LCK: variants seen among roughly 807,000 people sequenced by gnomAD.
LCK encodes tyrosine-protein kinase Lck.
In LCK, 14 loss-of-function variants were observed where a neutral mutation model predicts 64.6. The observed-to-expected ratio is 0.22, with a 90% CI of 0.14 to 0.34. LCK has a LOEUF of 0.34. LCK is among the 10% of genes least tolerant of loss of function. The pLI is 1.00. For synonymous variants in LCK, 277 were observed against 263.6 expected (o/e 1.05, Z -0.49); for missense variants, 434 against 668.1 (o/e 0.65, Z 3.86).
rs558626466 is a variant in LCK at position 32,262,043 on chromosome 1, C to A, written c.-6+10672C>A. 6.0e-5 allele frequency among the ~76,000 whole-genome samples: 9 copies of A among 149,288 alleles called. No homozygotes were observed. In the South Asian group the frequency reaches 1.9e-3, roughly 32 times the overall value. On this transcript the variant is annotated intron_variant, in intron 1 of 12. Coordinates refer to ENST00000336890, the MANE Select transcript of LCK (RefSeq NM_005356.5). ...GGACTACAGTCACGTGCCACCACAC[C>A]CAGATAATCTTTGTATTTTTAGTAG...
Position 32,276,314 on chromosome 1 carries a change from T to G in LCK, c.632-23T>G, listed in dbSNP as rs375624090. ...ACGAGGCCTGCCCTATTGACAGCCT[T>G]CACCCCTCCCTCGTCCTCGCAGATG... On this transcript the variant is annotated intron_variant, in intron 7 of 12. Coordinates refer to ENST00000336890, the MANE Select transcript of LCK (RefSeq NM_005356.5). The surrounding 1 kb of genome is among the most constrained non-coding windows in gnomAD (Gnocchi z 4.6). The G allele has an allele frequency of 5.7e-4, 881 of 1,538,776 alleles. 1 individual carries two copies. Among genetic ancestry groups the G allele is most frequent in the Non-Finnish European group, 7.2e-4 (822 of 1,145,540 alleles).
At chr1:32,281,471 A>G (rs1455969571) in intron 12 of LCK, among the ~76,000 whole-genome samples, 3 of 151,354 alleles carry the variant, frequency 2.0e-5, no homozygotes, top group South Asian at 2.1e-4. Flanking sequence ...AAAAAAAAAA[A>G]AAAGAAAAAG....
chr1:32,264,606 G>A (rs972760464), intron 1 of LCK, among the ~76,000 whole-genome samples: 1 of 152,066 alleles, frequency 6.6e-6, no homozygotes, highest in African/African-American at 2.4e-5. Context: ...TGAGGCTGAT[G>A]AACTGTATTT....
chr1:32,263,393 AAAAT>A (rs1263488465), intron 1 of LCK, among the ~76,000 whole-genome samples: 18 of 135,564 alleles, frequency 1.3e-4, no homozygotes, highest in Admixed American at 3.0e-4. Flanking sequence ...ACTCCGTCTC[AAAAT>A]AAATAAAATA....
rs1177753986 is a variant in LCK, at chr1:32,276,091, G to C, written c.631+28G>C. On this transcript the variant is annotated intron_variant, in intron 7 of 12. Transcript: ENST00000336890. This position sits in a 1 kb window ranked among gnomAD's most constrained non-coding sequence, Gnocchi z 4.6. ...GAGCCCGACGGGACCCCTCCCCCGT[G>C]CCCTATCAGCCTATCTCCCCTCAGT... is the stretch of plus-strand genomic sequence containing the variant. 1 of 1,612,022 alleles carries C rather than the reference G, an allele frequency of 6.2e-7. No individual in the cohort carries two copies. The highest frequency in any genetic ancestry group is 8.5e-7 in the Non-Finnish European group (1 of 1,179,100).
At position 32,276,819 on chromosome 1, in the gene LCK, A is replaced by G. The variant is rs372012321; in HGVS notation, c.964+33A>G. 3.2e-6 allele frequency: 5 copies of G among 1,552,756 alleles called. No homozygotes were observed. In the African/African-American group the frequency reaches 6.8e-5, roughly 21 times the overall value. ...CTACCCGAGTCGGCTACCAGGGGAT[A>G]CTGCTCTCCCTGCTGTCCCTGCCAG... On this transcript the variant is annotated intron_variant, in intron 9 of 12. Transcript: ENST00000336890. The surrounding 1 kb of genome is among the most constrained non-coding windows in gnomAD (Gnocchi z 4.6).
chr1:32,275,843 G>A lies in LCK; in HGVS notation c.482-71G>A. ...AGTTGGGGGTGCTGGGTGAGCCCAA[G>A]GTGGGGGCGCGGTGGCGGGCCAGAC... On this transcript the variant is annotated intron_variant, in intron 6 of 12. Coordinates refer to ENST00000336890, the MANE Select transcript of LCK (RefSeq NM_005356.5). This position sits in a 1 kb window ranked among gnomAD's most constrained non-coding sequence, Gnocchi z 6.9. The A allele has an allele frequency of 6.3e-7, 1 of 1,576,014 alleles. No individual in the cohort carries two copies. Among genetic ancestry groups the A allele is most frequent in the African/African-American group, 1.3e-5 (1 of 74,388 alleles).
intron 1 of LCK, among the ~76,000 whole-genome samples, chr1:32,268,295 A>G (rs1222958935): frequency 6.6e-6 from 1 of 152,034 alleles, no homozygotes; most frequent in Non-Finnish European, 1.5e-5. Context: ...AACTTAAAAA[A>G]ATTTATTATT....
At chr1:32,257,967 G>A (rs983312520) in intron 1 of LCK, among the ~76,000 whole-genome samples, 9 of 151,076 alleles carry the variant, frequency 6.0e-5, no homozygotes, top group Admixed American at 4.6e-4. Flanking sequence ...TCTCTGTGTC[G>A]AGAGGCTACA....
chr1:32,283,298 A>G (rs1036826742), intron 12 of LCK, among the ~76,000 whole-genome samples: 1 of 151,526 alleles, frequency 6.6e-6, no homozygotes, highest in Non-Finnish European at 1.5e-5. Context: ...CAAAAAAAAA[A>G]AAAAAAAAAA....
chr1:32,285,846 C>A lies in LCK; in HGVS notation c.*130C>A. ...GCACATGAATCCCACCCACATGTGA[C>A]ACATATGCACCTTGTGTCTGTACAC... On this transcript the variant is annotated 3_prime_UTR_variant, in exon 13 of 13. Transcript: ENST00000336890. The A allele has an allele frequency of 1.1e-6, 1 of 898,466 alleles. No individual in the cohort carries two copies. The highest frequency in any genetic ancestry group is 1.7e-6 in the Non-Finnish European group (1 of 581,880). The allele number at this position is 898,466 out of a possible 1,614,324, so 55.7% of individuals were successfully genotyped here. A position where few individuals can be genotyped will look rare whatever the true frequency, so the allele number is the denominator to read the frequency against.
chr1:32,255,690 C>T (rs1232135568), intron 1 of LCK, among the ~76,000 whole-genome samples: 1 of 152,212 alleles, frequency 6.6e-6, no homozygotes, highest in Admixed American at 6.5e-5. Context: ...GGGGCACCCA[C>T]CTCTGTCACA....
intron 1 of LCK, among the ~76,000 whole-genome samples, chr1:32,272,808 G>A (rs1640131656): frequency 6.7e-6 from 1 of 150,128 alleles, no homozygotes; most frequent in South Asian, 2.1e-4. Flanking sequence ...GTTTGTGTGT[G>A]TGTGAGTGTG....
intron 1 of LCK, among the ~76,000 whole-genome samples, chr1:32,263,727 A>G (rs1326884991): frequency 6.6e-6 from 1 of 152,134 alleles, no homozygotes; most frequent in Non-Finnish European, 1.5e-5. Flanking sequence ...ACTGGCCAAC[A>G]TGGTGAAACC....
rs182764783 is a variant in LCK, at chr1:32,251,551, C to A, written c.-6+180C>A. On this transcript the variant is annotated intron_variant, in intron 1 of 12. Coordinates refer to ENST00000336890, the MANE Select transcript of LCK (RefSeq NM_005356.5). This position sits in a 1 kb window ranked among gnomAD's most constrained non-coding sequence, Gnocchi z 4.0. Reference sequence around the variant, plus strand: ...GTGTAGCTGGGTCGCCTCTTTCCTGCGAAGCTGGTGTCGCTTGCCTCTGTC... The same window carrying A: ...GTGTAGCTGGGTCGCCTCTTTCCTGAGAAGCTGGTGTCGCTTGCCTCTGTC... Among the ~76,000 whole-genome samples, 7 of 152,138 alleles carry A rather than the reference C, an allele frequency of 4.6e-5. No homozygotes were observed. Among genetic ancestry groups the A allele is most frequent in the South Asian group, 2.1e-4 (1 of 4,830 alleles).
chr1:32,281,084 C>T (rs1448799144), intron 12 of LCK, among the ~76,000 whole-genome samples: 1 of 151,626 alleles, frequency 6.6e-6, no homozygotes, highest in East Asian at 1.9e-4. Context: ...TCTACAAAAA[C>T]AAAAGTTAGC....
intron 1 of LCK, among the ~76,000 whole-genome samples, chr1:32,257,650 CAG>C (rs1378152972): frequency 6.6e-6 from 1 of 152,068 alleles, no homozygotes; most frequent in Non-Finnish European, 1.5e-5. Context: ...GCCAGACTCC[CAG>C]AAACGTTTAT....
Position 32,276,189 on chromosome 1 carries a change from G to C in LCK, c.631+126G>C. ...CCGCAGTGGGTGAGGTGTGGAACCT[G>C]ACCCTACGGCCCCAAGTGTTTGGGT... On this transcript the variant is annotated intron_variant, in intron 7 of 12. Coordinates refer to ENST00000336890, the MANE Select transcript of LCK (RefSeq NM_005356.5). The surrounding 1 kb of genome is among the most constrained non-coding windows in gnomAD (Gnocchi z 4.6). 6.9e-7 allele frequency: 1 copy of C among 1,443,798 alleles called. No individual in the cohort carries two copies. Among genetic ancestry groups the C allele is most frequent in the Non-Finnish European group, 9.4e-7 (1 of 1,060,856 alleles). 89.4% of individuals were successfully genotyped at this position (1,443,798 alleles called of 1,614,324 possible). A position where few individuals can be genotyped will look rare whatever the true frequency, so the allele number is the denominator to read the frequency against.
intron 1 of LCK, among the ~76,000 whole-genome samples, chr1:32,253,412 A>C (rs1639554944): frequency 6.6e-6 from 1 of 152,122 alleles, no homozygotes; most frequent in Admixed American, 6.6e-5. Context: ...CAGCCTCCCA[A>C]GTGCTAGGAT....
Sources: gnomAD v4.1 joint callset for allele counts (sites outside exome capture counted in the v4.1 genomes callset) on GRCh38, gnomAD v4.1.1 for gene constraint, Gnocchi (gnomAD v3.1) non-coding constraint, MANE v1.5 for transcripts, NCBI Gene and HGNC (gene_info 2026-07-23, HGNC 2026-07-21) for gene names.